Variants in EYS observed in about 807,000 individuals in gnomAD.
EYS encodes EGF-like photoreceptor maintenance factor.
Under a neutral mutation model 282.1 loss-of-function variants are expected in EYS, and 250 were observed. That is an observed-to-expected ratio of 0.89 (90% CI 0.80 to 0.98). The LOEUF (loss-of-function observed/expected upper bound fraction) is 0.98, where lower values mean the gene tolerates loss of function less well. Ranked by LOEUF, EYS falls within the 50% of genes least tolerant of loss-of-function variation. EYS has a pLI of 0.00. For synonymous variants in EYS, 1,355 were observed against 1,282.9 expected, an observed-to-expected ratio of 1.06 and a Z score of -1.20; for missense variants, 4,016 against 3,709.0, an observed-to-expected ratio of 1.08 and a Z score of -2.15.
At chr6:65,565,674 A>T (rs1016773164) in intron 2 of EYS, among the ~76,000 whole-genome samples, 1 of 152,160 alleles carries the variant, frequency 6.6e-6, no homozygotes, top group Non-Finnish European at 1.5e-5. Flanking sequence ...CACTGTTCAC[A>T]ATAGCAAAGA....
chr6:65,313,075 C>T (rs1340492893), intron 11 of EYS, among the ~76,000 whole-genome samples: 1 of 152,138 alleles, frequency 6.6e-6, no homozygotes, highest in East Asian at 1.9e-4. Context: ...GCTTTCCTCA[C>T]ACCTCTTAAA....
chr6:65,169,347 A>G (rs975215039), intron 12 of EYS, among the ~76,000 whole-genome samples: 3 of 151,516 alleles, frequency 2.0e-5, no homozygotes, highest in African/African-American at 7.3e-5. Context: ...AGATAACACA[A>G]GCAAATATGA....
chr6:65,174,500 G>C (rs1018852867), intron 12 of EYS, among the ~76,000 whole-genome samples: 4 of 151,268 alleles, frequency 2.6e-5, no homozygotes, highest in African/African-American at 9.7e-5. Context: ...ATTTGCTTAA[G>C]CCAATCACTG....
chr6:64,810,324 A>C (rs1216140282), intron 22 of EYS, among the ~76,000 whole-genome samples: 1 of 152,088 alleles, frequency 6.6e-6, no homozygotes, highest in Non-Finnish European at 1.5e-5. Flanking sequence ...ACTTCTGTGA[A>C]AGAAATGAAT....
chr6:65,612,871 G>T (rs1562287975), intron 2 of EYS, among the ~76,000 whole-genome samples: 2 of 150,760 alleles, frequency 1.3e-5, no homozygotes, highest in African/African-American at 4.9e-5. Flanking sequence ...TAAGTATTTT[G>T]TTTTTTTTAC....
chr6:65,032,384 G>A (rs1350789784), intron 13 of EYS, among the ~76,000 whole-genome samples: 1 of 152,150 alleles, frequency 6.6e-6, no homozygotes, highest in Non-Finnish European at 1.5e-5. Flanking sequence ...CCTCCATGCT[G>A]GAGGGGGCCT....
intron 18 of EYS, among the ~76,000 whole-genome samples, chr6:64,897,120 G>A (rs548678156): frequency 1.3e-5 from 2 of 152,232 alleles, no homozygotes; most frequent in South Asian, 4.1e-4. Flanking sequence ...GGGACAGACT[G>A]CCTCAAGTGG....
chr6:63,841,057 G>A (rs1051037545), intron 36 of EYS, among the ~76,000 whole-genome samples: 1 of 152,100 alleles, frequency 6.6e-6, no homozygotes, highest in Non-Finnish European at 1.5e-5. Flanking sequence ...TATAAAGCAT[G>A]TTAATGTCAA....
chr6:64,849,046 C>T (rs1198215104), intron 19 of EYS, among the ~76,000 whole-genome samples: 1 of 151,978 alleles, frequency 6.6e-6, no homozygotes, highest in Non-Finnish European at 1.5e-5. Context: ...TCCCTCCACA[C>T]TATTCTATTT....
At chr6:64,923,253 A>G (rs1768409410) in intron 15 of EYS, among the ~76,000 whole-genome samples, 1 of 152,136 alleles carries the variant, frequency 6.6e-6, no homozygotes, top group African/African-American at 2.4e-5. Flanking sequence ...TGGCAAGAGA[A>G]AAATAAGGAA....
chr6:64,428,289 T>C (rs1774472698), intron 28 of EYS, among the ~76,000 whole-genome samples: 1 of 152,172 alleles, frequency 6.6e-6, no homozygotes, highest in Non-Finnish European at 1.5e-5. Flanking sequence ...TTTTCTTATA[T>C]GAAATACTAA....
chr6:65,262,002 C>T (rs146185894), intron 12 of EYS, among the ~76,000 whole-genome samples: 2,184 of 152,106 alleles, frequency 0.014, 23 homozygotes, highest in Non-Finnish European at 0.018. Flanking sequence ...TCAAATCTTC[C>T]CTCCTTAGAA....
chr6:64,436,573 A>AAGCAAGT (rs1331867536), intron 27 of EYS, among the ~76,000 whole-genome samples: 1 of 151,866 alleles, frequency 6.6e-6, no homozygotes, highest in Non-Finnish European at 1.5e-5. Context: ...TACTAGCAGA[A>AAGCAAGT]AGCAAGTATT....
At chr6:64,216,449 C>T (rs1256785195) in intron 31 of EYS, among the ~76,000 whole-genome samples, 1 of 152,102 alleles carries the variant, frequency 6.6e-6, no homozygotes, top group Non-Finnish European at 1.5e-5. Context: ...GGTAGAATTC[C>T]CATTCTGATA....
chr6:63,734,368 A>C (rs1335996785), intron 41 of EYS, among the ~76,000 whole-genome samples: 2 of 152,190 alleles, frequency 1.3e-5, no homozygotes, highest in Non-Finnish European at 2.9e-5. Context: ...AGACTGTCTT[A>C]TAAGAATGAG....
At chr6:64,214,261 C>A (rs904106110) in intron 31 of EYS, among the ~76,000 whole-genome samples, 5 of 152,084 alleles carry the variant, frequency 3.3e-5, no homozygotes, top group African/African-American at 1.2e-4. Context: ...ACTGCACATG[C>A]TAATTTGAAT....
intron 12 of EYS, among the ~76,000 whole-genome samples, chr6:65,108,807 T>C (rs1775120328): frequency 6.6e-6 from 1 of 152,192 alleles, no homozygotes; most frequent in Non-Finnish European, 1.5e-5. Flanking sequence ...TCCACTCTGT[T>C]ACTAAAATTA....
intron 5 of EYS, among the ~76,000 whole-genome samples, chr6:65,460,367 T>G (rs763859600): frequency 2.0e-5 from 3 of 152,044 alleles, no homozygotes; most frequent in Admixed American, 6.6e-5. Context: ...ATGTAACTTC[T>G]GTCAAATATC....
At chr6:65,572,608 G>A (rs752215507) in intron 2 of EYS, among the ~76,000 whole-genome samples, 2 of 152,010 alleles carry the variant, frequency 1.3e-5, no homozygotes, top group Admixed American at 6.6e-5. Context: ...ATAATGAACC[G>A]TATATAAGAT....
Sources: gnomAD v4.1 joint callset for allele counts (sites outside exome capture counted in the v4.1 genomes callset) on GRCh38, gnomAD v4.1.1 for gene constraint, MANE v1.5 for transcripts, NCBI Gene and HGNC (gene_info 2026-07-23, HGNC 2026-07-21) for gene names.